The following DNAH9 variants were observed in gnomAD, a reference collection of about 807,000 sequenced individuals.
DNAH9 encodes DNAH9 variant protein.
Under a neutral mutation model 471.6 loss-of-function variants are expected in DNAH9, and 345 were observed. The ratio of observed to expected loss-of-function variants is 0.73; its 90% CI spans 0.67 to 0.80. The LOEUF (loss-of-function observed/expected upper bound fraction) is 0.80. Among genes scored for constraint, DNAH9 ranks in the 30% least tolerant of loss-of-function variants. DNAH9 has a pLI of 0.00. For missense variants in DNAH9, 5,407 were observed against 5,609.2 expected, an observed-to-expected ratio of 0.96 and a Z score of 1.15; for synonymous variants, 2,093 against 2,123.6, an observed-to-expected ratio of 0.99 and a Z score of 0.40.
rs780468168 is a variant in DNAH9 at position 11,644,808 on chromosome 17, A to G, written c.1970+109A>G. On this transcript the variant is annotated intron_variant, in intron 11 of 68. Coordinates refer to ENST00000262442, the MANE Select transcript of DNAH9 (RefSeq NM_001372.4). ...CTCAGTGGCTCCGAAGTATCACTCT[A>G]TGTTTTATGTTATAACCACGATATT... 259 of 750,328 alleles carry G rather than the reference A, an allele frequency of 3.5e-4. 1 individual carries two copies. The highest frequency in any genetic ancestry group is 2.8e-3 in the Middle Eastern group (10 of 3,620). 46.5% of individuals were successfully genotyped at this position (750,328 alleles called of 1,614,324 possible).
chr17:11,967,890 T>A (rs1976871117), intron 68 of DNAH9, among the ~76,000 whole-genome samples: 1 of 152,120 alleles, frequency 6.6e-6, no homozygotes, highest in Non-Finnish European at 1.5e-5. Flanking sequence ...AAAAGGACAT[T>A]TTATGAGAAT....
At chr17:11,669,859 C>CT (rs1198124786) in intron 17 of DNAH9, 65 bp downstream of exon 17, 2 of 1,377,662 alleles carry the variant, frequency 1.5e-6, no homozygotes, top group Admixed American at 2.0e-5. Context: ...GTTTTTAAAC[C>CT]TTTTTTATAT....
chr17:11,789,596 T>G (rs562183420), intron 41 of DNAH9, among the ~76,000 whole-genome samples: 1 of 152,158 alleles, frequency 6.6e-6, no homozygotes, highest in African/African-American at 2.4e-5. Context: ...AGTTAGCAAT[T>G]GTGCTAGTCA....
In DNAH9 at chr17:11,728,969, G is replaced by A. The variant is rs377754867; in HGVS notation, c.5814+1047G>A. ...TCCAGGTGCAGATGTGGGCACTGAT[G>A]TGGTGTCTAGTGGGTAAAATGCCAG... On this transcript the variant is annotated intron_variant, in intron 28 of 68. Coordinates refer to ENST00000262442, the MANE Select transcript of DNAH9 (RefSeq NM_001372.4). Among the ~76,000 whole-genome samples, 6 of 152,322 alleles carry A rather than the reference G, an allele frequency of 3.9e-5. No individual in the cohort carries two copies. In the East Asian group the frequency reaches 9.7e-4, roughly 25 times the overall value.
chr17:11,787,808 TGATTTTATCAGGG>T lies in DNAH9; in HGVS notation c.8061+3271_8061+3283del, dbSNP rs796699726. Among the ~76,000 whole-genome samples, 51 of 152,320 alleles carry T rather than the reference TGATTTTATCAGGG, an allele frequency of 3.3e-4. 1 individual carries two copies. Among genetic ancestry groups the T allele is most frequent in the African/African-American group, 1.1e-3 (46 of 41,564 alleles). On this transcript the variant is annotated intron_variant, in intron 41 of 68. Transcript: ENST00000262442. ...AGTGAGTAAGTCTCACGAGATCTGA[TGATTTTATCAGGG>T]GTTTCCGCTTTTGCATCTTTCTCAT...
chr17:11,701,015 TG>T, intron 23 of DNAH9, 106 bp from the exon 24 acceptor site: 1 of 1,211,680 alleles, frequency 8.3e-7, no homozygotes, highest in Non-Finnish European at 1.2e-6. Context: ...CTGTATACAA[TG>T]TGTGGGCTCC....
intron 49 of DNAH9, among the ~76,000 whole-genome samples, chr17:11,852,961 CTT>C (rs1779773734): frequency 6.8e-6 from 1 of 147,016 alleles, no homozygotes; most frequent in African/African-American, 2.5e-5. Context: ...TAAGATATAT[CTT>C]ATGTTAATAT....
intron 31 of DNAH9, among the ~76,000 whole-genome samples, chr17:11,746,783 A>T (rs1966895449): frequency 6.6e-6 from 1 of 152,270 alleles, no homozygotes; most frequent in African/African-American, 2.4e-5. Flanking sequence ...TTTAAGGGAA[A>T]TGATTTCAAG....
At chr17:11,667,280 ATAC>A (rs1164894751) in intron 15 of DNAH9, among the ~76,000 whole-genome samples, 6 of 136,446 alleles carry the variant, frequency 4.4e-5, no homozygotes, top group African/African-American at 1.6e-4. Context: ...TTTATAAGCT[ATAC>A]TATTTTATAA....
intron 53 of DNAH9, 64 bp downstream of exon 53, chr17:11,875,248 A>G (rs1972431143): frequency 7.5e-7 from 1 of 1,342,064 alleles, no homozygotes; most frequent in African/African-American, 2.1e-5. Context: ...ATAGATCATG[A>G]GCAGATTTTA....
Position 11,617,524 on chromosome 17 carries a change from C to T in DNAH9, c.1018C>T (p.His340Tyr). The change falls in exon 5 of 69, where the codon CAC (histidine) becomes TAC (tyrosine). Residue 340 changes from histidine (H) to tyrosine (Y), a missense_variant. His to Tyr is a moderately conservative substitution (Grantham distance 83). This residue lies in a region of DNAH9 where 767 missense variants were observed against 692.5 expected (regional missense o/e 1.11). Coordinates refer to ENST00000262442, the MANE Select transcript of DNAH9 (RefSeq NM_001372.4). The part of the protein sequence containing the change: ...EVKPQLRPLL[H>Y]VVCLIWATCK... ...GAAGCCCCAGCTGCGGCCCCTGCTC[C>T]ACGTGGTCTGTCTGATTTGGGCCAC... 1.2e-6 allele frequency: 2 copies of T among 1,614,144 alleles called. No individual in the cohort carries two copies. The highest frequency in any genetic ancestry group is 1.7e-6 in the Non-Finnish European group (2 of 1,180,000).
chr17:11,719,580 G>A, intron 27 of DNAH9, 90 bp downstream of exon 27: 6 of 1,257,526 alleles, frequency 4.8e-6, no homozygotes, highest in Non-Finnish European at 5.5e-6. Flanking sequence ...GTGCCACCCT[G>A]ACCCAGCTTC....
chr17:11,772,493 C>T (rs1214893011), intron 38 of DNAH9, among the ~76,000 whole-genome samples: 3 of 152,058 alleles, frequency 2.0e-5, no homozygotes, highest in African/African-American at 7.2e-5. Context: ...GACAGAGTCT[C>T]GCTCTCTCAC....
intron 50 of DNAH9, among the ~76,000 whole-genome samples, chr17:11,864,805 T>C (rs984229188): frequency 2.0e-4 from 31 of 151,516 alleles, no homozygotes; most frequent in Non-Finnish European, 1.0e-4. Flanking sequence ...TTGATCTTTG[T>C]TGGTTTAAAG....
chr17:11,668,077 G>T (rs2073905581), intron 15 of DNAH9, among the ~76,000 whole-genome samples: 1 of 152,142 alleles, frequency 6.6e-6, no homozygotes, highest in African/African-American at 2.4e-5. Context: ...GGAACATCTT[G>T]CTCTGTGTTG....
intron 62 of DNAH9, among the ~76,000 whole-genome samples, chr17:11,924,989 G>A (rs963597006): frequency 1.3e-5 from 2 of 152,032 alleles, no homozygotes; most frequent in Admixed American, 1.3e-4. Context: ...CATCTCTCAG[G>A]GCCGGCCTGC....
intron 1 of DNAH9, among the ~76,000 whole-genome samples, 169 bp downstream of exon 1, chr17:11,599,084 G>T (rs1017293585): frequency 6.6e-6 from 1 of 152,008 alleles, no homozygotes; most frequent in Admixed American, 6.5e-5. Flanking sequence ...ACAACCAGGA[G>T]GGAAGTTCCT....
At position 11,969,527 on chromosome 17, in the gene DNAH9, G is replaced by A; in HGVS notation, c.13461G>A (p.Ter4487=). ...GAGTAGCCTTGCTTCTCCAGATTTAGCATCCTGCAGAGCCACCGAGAAAAT... is the reference window on the plus strand; with the variant it reads ...GAGTAGCCTTGCTTCTCCAGATTTAACATCCTGCAGAGCCACCGAGAAAAT... ...LAGVALLLQI[*] The change falls in exon 69 of 69, where the codon TAG becomes TAA. Residue 4487 remains the stop codon, a stop_retained_variant. Coordinates refer to ENST00000262442, the MANE Select transcript of DNAH9 (RefSeq NM_001372.4). The A allele has an allele frequency of 1.2e-6, 2 of 1,606,502 alleles. No individual in the cohort carries two copies. Among genetic ancestry groups the A allele is most frequent in the Non-Finnish European group, 1.7e-6 (2 of 1,177,878 alleles).
chr17:11,698,171 T>TTAATATAA (rs375435855), intron 22 of DNAH9, among the ~76,000 whole-genome samples: 343 of 8,594 alleles, frequency 0.04, 3 homozygotes, highest in Middle Eastern at 0.2. Flanking sequence ...TATTATTATA[T>TTAATATAA]TAATATATTA....
Sources: allele counts gnomAD v4.1 joint callset (sites outside exome capture counted in the v4.1 genomes callset), GRCh38; gene constraint gnomAD v4.1.1; regional missense constraint gnomAD v4.1.1; transcripts MANE v1.5; gene names NCBI Gene and HGNC (gene_info 2026-07-23, HGNC 2026-07-21).